Variants in KRT5 observed in about 807,000 individuals in gnomAD.
KRT5 encodes the protein keratin, type II cytoskeletal 5.
KRT5 carries 17 observed loss-of-function variants against 44.0 expected under a neutral mutation model. The observed-to-expected ratio is 0.39, with a 90% CI of 0.26 to 0.58. KRT5 has a LOEUF of 0.58. KRT5 is among the 20% of genes least tolerant of loss of function. The pLI, the probability that KRT5 is intolerant of heterozygous loss-of-function variation, is 0.61. For synonymous variants in KRT5, 329 were observed against 312.8 expected, an observed-to-expected ratio of 1.05 and a Z score of -0.55; for missense variants, 737 against 785.5, an observed-to-expected ratio of 0.94 and a Z score of 0.74.
rs186367281 is a variant in KRT5 at position 52,515,778 on chromosome 12, G to A, written c.1474+20C>T. The A allele has an allele frequency of 6.3e-7, 1 of 1,598,642 alleles. No homozygotes were observed. The highest frequency in any genetic ancestry group is 8.6e-7 in the Non-Finnish European group (1 of 1,165,924). ...ATCCCATATTATTGTCGTTGTTAAT[G>A]TCTGTTCAAAGCTACTTACAGATGT... On this transcript the variant is annotated intron_variant, in intron 8 of 8. Transcript: ENST00000252242.
At position 52,515,079 on chromosome 12, in the gene KRT5, G is replaced by A; in HGVS notation, c.1636C>T (p.Leu546Phe). 6.2e-7 allele frequency: 1 copy of A among 1,611,242 alleles called. No individual in the cohort carries two copies. The highest frequency in any genetic ancestry group is 2.2e-5 in the East Asian group (1 of 44,758). Residue 546 changes from leucine (L) to phenylalanine (F), a missense_variant, in exon 9 of 9, where the codon CTC becomes TTC. By Grantham distance (22) the Leu-to-Phe change is conservative. Around this residue, in one of 5 missense-constraint regions of KRT5, gnomAD observed 344 missense variants for 351.6 expected, o/e 0.98. Coordinates refer to ENST00000252242, the MANE Select transcript of KRT5 (RefSeq NM_000424.4). The part of the protein sequence containing the change: ...SSGGVGLGGG[L>F]SVGGSGFSAS... ...CTGAAGCCAGAGCCCCCCACACTGA[G>A]CCCACCACCTAGGCCGACACCCCCA...
intron 8 of KRT5, 41 bp downstream of exon 8, chr12:52,515,757 C>T (rs368892761): frequency 5.9e-6 from 9 of 1,514,396 alleles, no homozygotes; most frequent in Non-Finnish European, 6.4e-6. Context: ...AAATATATCC[C>T]ATATTATTGT....
Position 52,517,158 on chromosome 12 carries a change from C to G in KRT5, c.1167G>C (p.Met389Ile). 1 of 1,614,184 alleles carries G rather than the reference C, an allele frequency of 6.2e-7. No homozygotes were observed. The highest frequency in any genetic ancestry group is 8.5e-7 in the Non-Finnish European group (1 of 1,180,028). Reference sequence around the variant, plus strand: ...CTCTCAGCCTCTGGATCATCCGGTTCATCTCAGAGATCTCATGCTTGGTGT... The same window carrying G: ...CTCTCAGCCTCTGGATCATCCGGTTGATCTCAGAGATCTCATGCTTGGTGT... The part of the protein sequence containing the change: ...LRNTKHEISE[M>I]NRMIQRLRAE... The change falls in exon 6 of 9, where the codon ATG (methionine) becomes ATC (isoleucine). Residue 389 changes from methionine to isoleucine, a missense_variant. By Grantham distance (10) the Met-to-Ile change is conservative. Around this residue, in one of 5 missense-constraint regions of KRT5, gnomAD observed 344 missense variants for 351.6 expected, o/e 0.98. Transcript: ENST00000252242.
chr12:52,517,530 C>A (rs762184201), intron 5 of KRT5, 60 bp downstream of exon 5: 31 of 1,562,460 alleles, frequency 2.0e-5, no homozygotes, highest in Non-Finnish European at 2.6e-5. Flanking sequence ...GTCGTCATGG[C>A]CTAGAATCCT....
chr12:52,516,671 T>A lies in KRT5; in HGVS notation c.1405A>T (p.Thr469Ser). ...TKLALDVEIA[T>S]YRKLLEGEEC... ...TCGCCCTCCAGCAGCTTGCGGTAAG[T>A]GGCGATCTCCACGTCCAGGGCCAGC... Residue 469 changes from threonine to serine, a missense_variant, in exon 7 of 9, where the codon ACT becomes TCT. By Grantham distance (58) the Thr-to-Ser change is moderately conservative. Transcript: ENST00000252242. 6.2e-7 allele frequency: 1 copy of A among 1,614,182 alleles called. No individual in the cohort carries two copies. Among genetic ancestry groups the A allele is most frequent in the Non-Finnish European group, 8.5e-7 (1 of 1,180,034 alleles).
chr12:52,515,439 G>C, intron 8 of KRT5, 199 bp from the exon 9 acceptor site: 1 of 710,068 alleles, frequency 1.4e-6, no homozygotes, highest in Non-Finnish European at 2.4e-6. Context: ...TAGGTACTGA[G>C]AGGAGCTAGG....
At chr12:52,516,524 T>C in intron 7 of KRT5, 113 bp downstream of exon 7, 1 of 1,047,758 alleles carries the variant, frequency 9.5e-7, no homozygotes, top group South Asian at 1.3e-5. Flanking sequence ...GTTGATGATG[T>C]GTCATTATCA....
intron 7 of KRT5, chr12:52,516,075 G>C: frequency 1.7e-6 from 1 of 590,842 alleles, no homozygotes; most frequent in Non-Finnish European, 3.0e-6. Flanking sequence ...ACCCACTATG[G>C]GGAAAGTATA....
rs770359543 is a variant in KRT5, at chr12:52,515,067, C to T, written c.1648G>A (p.Gly550Ser). ...VGLGGGLSVG[G>S]SGFSASSGRG... Reference sequence around the variant, plus strand: ...CCACTGCTTGCACTGAAGCCAGAGCCCCCCACACTGAGCCCACCACCTAGG... The same window carrying T: ...CCACTGCTTGCACTGAAGCCAGAGCTCCCCACACTGAGCCCACCACCTAGG... The change falls in exon 9 of 9, where the codon GGC becomes AGC. Residue 550 changes from glycine to serine, a missense_variant. By Grantham distance (56) the Gly-to-Ser change is moderately conservative (BLOSUM62 0). Around this residue, in one of 5 missense-constraint regions of KRT5, gnomAD observed 344 missense variants for 351.6 expected, o/e 0.98. Coordinates refer to ENST00000252242, the MANE Select transcript of KRT5 (RefSeq NM_000424.4). The T allele has an allele frequency of 1.9e-6, 3 of 1,612,738 alleles. No homozygotes were observed. Among genetic ancestry groups the T allele is most frequent in the South Asian group, 2.2e-5 (2 of 90,956 alleles).
Position 52,519,089 on chromosome 12 carries a change from C to A in KRT5, c.627G>T (p.Lys209Asn), listed in dbSNP as rs376720840. 2.5e-6 allele frequency: 4 copies of A among 1,614,208 alleles called. No individual in the cohort carries two copies. Among genetic ancestry groups the A allele is most frequent in the Non-Finnish European group, 3.4e-6 (4 of 1,180,022 alleles). Reference protein sequence around the residue: ...KWTLLQEQGTKTVRQNLEPLF... With the variant: ...KWTLLQEQGTNTVRQNLEPLF... The stretch of plus-strand genomic sequence containing the variant: ...ACGGCTCCAGGTTCTGCCTCACAGT[C>A]TTGGTGCCCTGCTCCTGCAGCAGGG... Residue 209 changes from lysine (K) to asparagine (N), a missense_variant, in exon 2 of 9, where the codon AAG (lysine) becomes AAT (asparagine). By Grantham distance (94) the Lys-to-Asn change is moderately conservative (BLOSUM62 0). Coordinates refer to ENST00000252242, the MANE Select transcript of KRT5 (RefSeq NM_000424.4).
chr12:52,518,037 C>T, intron 3 of KRT5, 45 bp from the exon 4 acceptor site: 2 of 1,610,858 alleles, frequency 1.2e-6, no homozygotes, highest in Middle Eastern at 1.7e-4. Context: ...CGTCACCCTA[C>T]TCAAGTGAGC....
rs753845847 is a variant in KRT5, at chr12:52,514,898, G to C, written c.*44C>G. On this transcript the variant is annotated 3_prime_UTR_variant, in exon 9 of 9. Coordinates refer to ENST00000252242, the MANE Select transcript of KRT5 (RefSeq NM_000424.4). ...CTGCCTAGAAGAGGCAATCTCCATGGGCTGGGTTGCTGCACTTGGAAGGCA... is the reference window on the plus strand; with the variant it reads ...CTGCCTAGAAGAGGCAATCTCCATGCGCTGGGTTGCTGCACTTGGAAGGCA... The C allele has an allele frequency of 1.9e-6, 3 of 1,544,776 alleles. No individual in the cohort carries two copies. The highest frequency in any genetic ancestry group is 2.7e-6 in the Non-Finnish European group (3 of 1,118,034).
chr12:52,517,720 G>A lies in KRT5; in HGVS notation c.962C>T (p.Thr321Ile), dbSNP rs769053414. Residue 321 changes from threonine to isoleucine, a missense_variant, in exon 5 of 9, where the codon ACC (threonine) becomes ATC (isoleucine). Around this residue, in one of 5 missense-constraint regions of KRT5, gnomAD observed 4 missense variants for 20.7 expected, o/e 0.19. Transcript: ENST00000252242. ...GTTGTCCATGGAGAGGACCACTGAG[G>A]TGTCAGAGACATGCGTCTGCATCTG... is the stretch of plus-strand genomic sequence containing the variant. ...LSQMQTHVSD[T>I]SVVLSMDNNR... 6.2e-7 allele frequency: 1 copy of A among 1,614,236 alleles called. No homozygotes were observed. The highest frequency in any genetic ancestry group is 8.5e-7 in the Non-Finnish European group (1 of 1,180,046).
In KRT5 at chr12:52,516,874, G is replaced by A. The variant is rs773063966; in HGVS notation, c.1219-17C>T. The A allele has an allele frequency of 3.1e-6, 5 of 1,613,702 alleles. No individual in the cohort carries two copies. The highest frequency in any genetic ancestry group is 4.2e-6 in the Non-Finnish European group (5 of 1,179,796). ...ATTGGCGCACTACAGATAGAAAGGA[G>A]GAGAGTGGGGTTGCTTGGGACCTGA... On this transcript the variant is annotated splice_polypyrimidine_tract_variant and intron_variant, in intron 6 of 8. Coordinates refer to ENST00000252242, the MANE Select transcript of KRT5 (RefSeq NM_000424.4).
In KRT5 at chr12:52,520,338, G is replaced by A; in HGVS notation, c.-42C>T. ...TGGAGCAAGAGAACCAGGCACTAGTGGGTTGGGAGGTGCTGGAGAGAACAG... is the reference window on the plus strand; with the variant it reads ...TGGAGCAAGAGAACCAGGCACTAGTAGGTTGGGAGGTGCTGGAGAGAACAG... On this transcript the variant is annotated 5_prime_UTR_variant, in exon 1 of 9. Transcript: ENST00000252242. The A allele has an allele frequency of 6.3e-7, 1 of 1,590,326 alleles. No homozygotes were observed. Among genetic ancestry groups the A allele is most frequent in the Non-Finnish European group, 8.6e-7 (1 of 1,161,686 alleles).
chr12:52,518,925 C>T (rs768613443), intron 2 of KRT5, 21 bp downstream of exon 2: 4 of 1,614,096 alleles, frequency 2.5e-6, no homozygotes, highest in Non-Finnish European at 3.4e-6. Context: ...TCCCCTGTGT[C>T]CACCCTCCAC....
chr12:52,515,697 G>T, intron 8 of KRT5, 101 bp downstream of exon 8: 1 of 946,276 alleles, frequency 1.1e-6, no homozygotes, highest in Non-Finnish European at 1.7e-6. Flanking sequence ...ACCATATGCT[G>T]GGATGGGAAA....
At chr12:52,519,688 C>T (rs1438653495) in intron 1 of KRT5, 54 bp downstream of exon 1, 1 of 1,532,382 alleles carries the variant, frequency 6.5e-7, no homozygotes, top group East Asian at 2.2e-5. Context: ...CTTTCTCTCT[C>T]TTTGGCATTT....
intron 2 of KRT5, 138 bp downstream of exon 2, chr12:52,518,808 G>A (rs1938660329): frequency 3.8e-6 from 4 of 1,046,236 alleles, no homozygotes; most frequent in Non-Finnish European, 5.8e-6. Context: ...TTGTTTGTTT[G>A]TTTTAGTACT....
Sources: allele counts gnomAD v4.1 joint callset, GRCh38; gene constraint gnomAD v4.1.1; regional missense constraint gnomAD v4.1.1; transcripts MANE v1.5; gene names NCBI Gene and HGNC (gene_info 2026-07-23, HGNC 2026-07-21).